DAPK1: variants seen among roughly 807,000 people sequenced by gnomAD.
The protein encoded by DAPK1 is death associated protein kinase 1, also known as death-associated protein kinase 1.
Under a neutral mutation model 144.9 loss-of-function variants are expected in DAPK1, and 56 were observed. The ratio of observed to expected loss-of-function variants is 0.39; its 90% confidence interval spans 0.31 to 0.48. The LOEUF is 0.48. DAPK1 is among the 20% of genes least tolerant of loss of function. DAPK1 has a pLI of 0.95. For synonymous variants in DAPK1, 690 were observed against 749.0 expected (o/e 0.92, Z 1.29); for missense variants, 1,454 against 1,875.4 (o/e 0.78, Z 4.15).
At chr9:87,524,820 A>G (rs765708261) in intron 2 of DAPK1, among the ~76,000 whole-genome samples, 6 of 152,232 alleles carry the variant, frequency 3.9e-5, no homozygotes, top group Non-Finnish European at 8.8e-5. Flanking sequence ...GTTCTCACTC[A>G]TAAGAGGGAG....
intron 3 of DAPK1, among the ~76,000 whole-genome samples, chr9:87,636,640 T>G (rs1186813413): frequency 6.6e-6 from 1 of 152,188 alleles, no homozygotes; most frequent in Non-Finnish European, 1.5e-5. Context: ...AGAAAACAGC[T>G]TTTTTGTCAT....
chr9:87,656,841 C>T (rs1830646256), intron 17 of DAPK1, among the ~76,000 whole-genome samples: 1 of 152,160 alleles, frequency 6.6e-6, no homozygotes, highest in South Asian at 2.1e-4. Flanking sequence ...TTATTTCTCT[C>T]CTGTTGAGGA....
intron 2 of DAPK1, among the ~76,000 whole-genome samples, chr9:87,558,526 G>A (rs35676069): frequency 0.22 from 31,981 of 148,410 alleles, 4,242 homozygotes; most frequent in Non-Finnish European, 0.31. Context: ...ACACACAGCC[G>A]TGTGAGTACA....
At chr9:87,664,573 G>C (rs996965620) in intron 18 of DAPK1, among the ~76,000 whole-genome samples, 7 of 152,306 alleles carry the variant, frequency 4.6e-5, no homozygotes, top group Non-Finnish European at 8.8e-5. Flanking sequence ...GCCCCTGTGG[G>C]CTGGTAGTCC....
intron 20 of DAPK1, among the ~76,000 whole-genome samples, chr9:87,684,522 A>G (rs1321981742): frequency 6.6e-6 from 1 of 152,220 alleles, no homozygotes; most frequent in Admixed American, 6.5e-5. Context: ...GCTGGAGGCC[A>G]AGGCTGAGCT....
chr9:87,630,584 C>T lies in DAPK1; in HGVS notation c.285-7359C>T, dbSNP rs566755073. ...GGATTACATCGGATGTTTTGGGGAC[C>T]GCATCTGAAATGGCACACATCATTT... On this transcript the variant is annotated intron_variant, in intron 3 of 25. Transcript: ENST00000408954. Among the ~76,000 whole-genome samples the T allele has an allele frequency of 7.2e-5, 11 of 152,156 alleles. No homozygotes were observed. In the East Asian group the frequency reaches 7.7e-4, roughly 11 times the overall value.
At chr9:87,643,259 C>A (rs191729809) in intron 10 of DAPK1, 117 bp from the exon 11 acceptor site, 3 of 620,488 alleles carry the variant, frequency 4.8e-6, no homozygotes, top group Non-Finnish European at 8.3e-6. Context: ...AACACGATCT[C>A]GCAGGCTTTG....
chr9:87,509,932 C>T (rs759029904), intron 2 of DAPK1, among the ~76,000 whole-genome samples: 11 of 152,316 alleles, frequency 7.2e-5, no homozygotes, highest in Non-Finnish European at 1.2e-4. Flanking sequence ...AGTGAGCTCA[C>T]GGCCAGGCCG....
At chr9:87,698,061 G>A (rs1336884414) in intron 22 of DAPK1, among the ~76,000 whole-genome samples, 1 of 152,210 alleles carries the variant, frequency 6.6e-6, no homozygotes, top group Non-Finnish European at 1.5e-5. Context: ...TTTGGTCTTT[G>A]CCCACAACAA....
intron 2 of DAPK1, among the ~76,000 whole-genome samples, chr9:87,602,535 C>T (rs939300477): frequency 1.3e-5 from 2 of 152,180 alleles, no homozygotes; most frequent in African/African-American, 2.4e-5. Context: ...CAATATAGAA[C>T]ATTTGGAGGT....
chr9:87,593,475 C>A (rs1828209804), intron 2 of DAPK1, among the ~76,000 whole-genome samples: 2 of 152,214 alleles, frequency 1.3e-5, no homozygotes, highest in South Asian at 4.1e-4. Flanking sequence ...CAGAACTGAG[C>A]AGGGTGAATA....
intron 3 of DAPK1, among the ~76,000 whole-genome samples, chr9:87,631,838 A>G (rs568273454): frequency 1.3e-5 from 2 of 152,226 alleles, no homozygotes; most frequent in Middle Eastern, 3.2e-3. Flanking sequence ...AAATTACCAA[A>G]CAATGCTTAT....
rs144691222 is a variant in DAPK1, at chr9:87,532,616, A to G, written c.62+33477A>G. Among the ~76,000 whole-genome samples the G allele has an allele frequency of 2.6e-3, 392 of 152,276 alleles. 3 individuals carry two copies. The highest frequency in any genetic ancestry group is 8.9e-3 in the African/African-American group (370 of 41,544). On this transcript the variant is annotated intron_variant, in intron 2 of 25. Coordinates refer to ENST00000408954, the MANE Select transcript of DAPK1 (RefSeq NM_004938.4). The stretch of plus-strand genomic sequence containing the variant: ...TTTTGATAGCATTTTTATACCCCCT[A>G]TGCAAAACTGAAAATGCTAGACAAT...
In DAPK1 at chr9:87,648,663, G is replaced by T. The variant is rs1053945370; in HGVS notation, c.1330-118G>T. ...TAGGGGCATCTGCCCAAGGTGGGTG[G>T]GTGGAACCAAAGGGGACAGAGTGGA... On this transcript the variant is annotated intron_variant, in intron 14 of 25. Transcript: ENST00000408954. The T allele has an allele frequency of 4.6e-6, 4 of 861,302 alleles. No individual in the cohort carries two copies. In the Admixed American group the frequency reaches 6.1e-5, roughly 13 times the overall value. 53.4% of individuals were successfully genotyped at this position (861,302 alleles called of 1,614,324 possible). A position where few individuals can be genotyped will look rare whatever the true frequency, so the allele number is the denominator to read the frequency against.
chr9:87,582,235 A>G (rs1827776763), intron 2 of DAPK1, among the ~76,000 whole-genome samples: 1 of 152,130 alleles, frequency 6.6e-6, no homozygotes, highest in African/African-American at 2.4e-5. Context: ...TTCTGATTGT[A>G]CCAAGTGGTG....
chr9:87,522,417 T>TA (rs1376717165), intron 2 of DAPK1, among the ~76,000 whole-genome samples: 1 of 152,230 alleles, frequency 6.6e-6, no homozygotes, highest in East Asian at 1.9e-4. Flanking sequence ...CGTAGCATGT[T>TA]ATACACATTG....
At chr9:87,540,004 C>CT (rs1825987267) in intron 2 of DAPK1, among the ~76,000 whole-genome samples, 1 of 151,892 alleles carries the variant, frequency 6.6e-6, no homozygotes, top group East Asian at 1.9e-4. Context: ...CAAGTGCTTC[C>CT]TTTAAGTGAG....
intron 2 of DAPK1, among the ~76,000 whole-genome samples, chr9:87,557,595 T>C (rs1307737475): frequency 6.6e-6 from 1 of 152,180 alleles, no homozygotes; most frequent in Non-Finnish European, 1.5e-5. Flanking sequence ...GTTAAAACAT[T>C]ACTCATTGAG....
rs1389741966 is a variant in DAPK1, at chr9:87,647,200, G to C, written c.1231-105G>C. The C allele has an allele frequency of 1.7e-5, 15 of 899,480 alleles. No individual in the cohort carries two copies. The Admixed American group carries it at 2.6e-4, about 16-fold the overall frequency. The allele number at this position is 899,480 out of a possible 1,614,324, so 55.7% of individuals were successfully genotyped here. A position where few individuals can be genotyped will look rare whatever the true frequency, so the allele number is the denominator to read the frequency against. On this transcript the variant is annotated intron_variant, in intron 13 of 25. Transcript: ENST00000408954. ...TTCCTCTGGGAAGTTGCTCCTCTGG[G>C]GTTTGTCATCACACAGGAAGGGAAA...
Sources: allele counts gnomAD v4.1 joint callset (sites outside exome capture counted in the v4.1 genomes callset), GRCh38; gene constraint gnomAD v4.1.1; transcripts MANE v1.5; gene names NCBI Gene and HGNC (gene_info 2026-07-23, HGNC 2026-07-21).